Variants in SIPA1L1 observed in about 807,000 individuals in gnomAD.
SIPA1L1 encodes the protein signal induced proliferation associated 1 like 1, also known as signal-induced proliferation-associated 1-like protein 1.
A neutral mutation model predicts 162.7 loss-of-function variants in SIPA1L1; 26 were observed. The observed-to-expected ratio is 0.16, with a 90% CI of 0.12 to 0.22. SIPA1L1 has a LOEUF of 0.22. SIPA1L1 is among the 10% of genes least tolerant of loss of function. The pLI is 1.00. For missense variants in SIPA1L1, 1,874 were observed against 2,241.0 expected (o/e 0.84, Z 3.31); for synonymous variants, 829 against 837.4 (o/e 0.99, Z 0.17).
chr14:71,630,909 C>T (rs2040501980), intron 7 of SIPA1L1, among the ~76,000 whole-genome samples: 1 of 151,356 alleles, frequency 6.6e-6, no homozygotes, highest in Admixed American at 6.6e-5. Flanking sequence ...TTCTAGGGTA[C>T]ATGTGCACAA....
chr14:71,594,271 A>G (rs2035770286), intron 5 of SIPA1L1, among the ~76,000 whole-genome samples: 1 of 152,204 alleles, frequency 6.6e-6, no homozygotes, highest in African/African-American at 2.4e-5. Context: ...CAATTTTGCT[A>G]TCAAGAGCTG....
chr14:71,625,267 T>A (rs929245533), intron 7 of SIPA1L1, among the ~76,000 whole-genome samples: 1 of 151,876 alleles, frequency 6.6e-6, no homozygotes, highest in Non-Finnish European at 1.5e-5. Context: ...GAATATATAA[T>A]GAAGCAATAG....
At chr14:71,738,583 G>A (rs2085529971) in intron 23 of SIPA1L1, among the ~76,000 whole-genome samples, 1 of 152,108 alleles carries the variant, frequency 6.6e-6, no homozygotes, top group Non-Finnish European at 1.5e-5. Context: ...TCCTCTCCCG[G>A]CCTCCCCACT....
intron 6 of SIPA1L1, among the ~76,000 whole-genome samples, chr14:71,623,513 G>T (rs963893722): frequency 7.2e-5 from 11 of 152,118 alleles, no homozygotes; most frequent in African/African-American, 2.7e-4. Flanking sequence ...GCTATTGCCT[G>T]TGCTGCTGTA....
rs1308377028 is a variant in SIPA1L1, at chr14:71,570,516, T to C, written c.-302-17055T>C. Among the ~76,000 whole-genome samples, 4 of 152,216 alleles carry C rather than the reference T, an allele frequency of 2.6e-5. No homozygotes were observed. The South Asian group carries it at 8.3e-4, about 32-fold the overall frequency. ...CTGAGCTCAAGAGATTCAGCCACCT[T>C]GGCCTCTCAAAGAGCTGGGATTACA... On this transcript the variant is annotated intron_variant, in intron 4 of 23. Coordinates refer to ENST00000381232, the MANE Select transcript of SIPA1L1 (RefSeq NM_001386936.1).
chr14:71,618,832 A>G lies in SIPA1L1; in HGVS notation c.1574A>G (p.Glu525Gly). The G allele has an allele frequency of 6.2e-7, 1 of 1,614,044 alleles. No homozygotes were observed. The highest frequency in any genetic ancestry group is 8.5e-7 in the Non-Finnish European group (1 of 1,179,926). Residue 525 changes from glutamate to glycine, a missense_variant, in exon 6 of 24, where the codon GAA becomes GGA. By Grantham distance (98) the Glu-to-Gly change is moderately conservative. Around this residue, in one of 5 missense-constraint regions of SIPA1L1, gnomAD observed 685 missense variants for 828.0 expected, o/e 0.83. Transcript: ENST00000381232. ...AVSIRREKPD[E>G]MKENGSPYNY... ...AGCATTCGAAGGGAAAAACCAGATG[A>G]AATGAAAGAAAATGGATCTCCGTAC...
intron 19 of SIPA1L1, among the ~76,000 whole-genome samples, chr14:71,729,284 C>A (rs2084534022): frequency 6.6e-6 from 1 of 152,194 alleles, no homozygotes; most frequent in Non-Finnish European, 1.5e-5. Context: ...GATCTGCCCA[C>A]CTCGGCCTCC....
At chr14:71,544,265 A>ATCATG (rs2054934226) in intron 4 of SIPA1L1, among the ~76,000 whole-genome samples, 1 of 106,700 alleles carries the variant, frequency 9.4e-6, no homozygotes, top group Non-Finnish European at 2.5e-5. Context: ...TACACATGAT[A>ATCATG]TGTGTATATA....
intron 22 of SIPA1L1, 138 bp downstream of exon 22, chr14:71,735,529 TAGTC>T (rs1412573461): frequency 1.1e-5 from 6 of 565,564 alleles, no homozygotes; most frequent in African/African-American, 9.4e-5. Flanking sequence ...CTTTACATTT[TAGTC>T]AGAACGCTTT....
Position 71,588,320 on chromosome 14 carries a change from G to A in SIPA1L1, c.448G>A (p.Asp150Asn), listed in dbSNP as rs556830267. Residue 150 changes from aspartate to asparagine, a missense_variant, in exon 5 of 24, where the codon GAC becomes AAC. Asp to Asn is a conservative substitution (Grantham distance 23). Around this residue, in one of 5 missense-constraint regions of SIPA1L1, gnomAD observed 685 missense variants for 828.0 expected, o/e 0.83. Coordinates refer to ENST00000381232, the MANE Select transcript of SIPA1L1 (RefSeq NM_001386936.1). The surrounding 1 kb of genome is among the most constrained non-coding windows in gnomAD (Gnocchi z 4.3). ...CAAGACAAGACCGTCGGAGAACATG[G>A]ACTCCAGATTTCTCATGCCTGAAGC... is the stretch of plus-strand genomic sequence containing the variant. ...KNKTRPSENM[D>N]SRFLMPEAYP... 3.5e-5 allele frequency: 57 copies of A among 1,613,724 alleles called. 1 individual carries two copies. The Admixed American group carries it at 9.5e-4, about 27-fold the overall frequency.
chr14:71,590,717 T>C (rs2035276180), intron 5 of SIPA1L1, among the ~76,000 whole-genome samples: 1 of 152,164 alleles, frequency 6.6e-6, no homozygotes, highest in Non-Finnish European at 1.5e-5. Context: ...TTTTCTGAAG[T>C]TTATATTTTA....
rs535246310 is a variant in SIPA1L1, at chr14:71,694,563, A to C, written c.3375-4418A>C. ...GAGGATGTTTAGTATCAGTTATTTT[A>C]AAAATGTTTAGTTATTTCTTGACTA... On this transcript the variant is annotated intron_variant, in intron 13 of 23. Transcript: ENST00000381232. Among the ~76,000 whole-genome samples the C allele has an allele frequency of 2.7e-4, 41 of 152,294 alleles. No individual in the cohort carries two copies. In the South Asian group the frequency reaches 4.4e-3, roughly 16 times the overall value.
chr14:71,344,412 A>G (rs1015793080), intron 2 of SIPA1L1, among the ~76,000 whole-genome samples: 4 of 152,364 alleles, frequency 2.6e-5, no homozygotes, highest in South Asian at 2.1e-4. Flanking sequence ...TTTAGGATCA[A>G]TGAGTGAGAG....
At chr14:71,619,832 A>G (rs1013582087) in intron 6 of SIPA1L1, among the ~76,000 whole-genome samples, 1 of 152,156 alleles carries the variant, frequency 6.6e-6, no homozygotes, top group African/African-American at 2.4e-5. Flanking sequence ...AACTCCGGGG[A>G]AATTAAATAT....
chr14:71,608,491 G>A (rs368864613), intron 5 of SIPA1L1, among the ~76,000 whole-genome samples: 4 of 151,960 alleles, frequency 2.6e-5, no homozygotes, highest in African/African-American at 9.7e-5. Flanking sequence ...GCTAATGTTT[G>A]AATTGGTATT....
intron 2 of SIPA1L1, among the ~76,000 whole-genome samples, chr14:71,440,335 T>G (rs2044736443): frequency 6.6e-6 from 1 of 151,992 alleles, no homozygotes; most frequent in Non-Finnish European, 1.5e-5. Flanking sequence ...CTTCTAAACT[T>G]GTAGCATAAG....
chr14:71,387,415 G>T (rs1444064819), intron 2 of SIPA1L1, among the ~76,000 whole-genome samples: 1 of 152,142 alleles, frequency 6.6e-6, no homozygotes, highest in Non-Finnish European at 1.5e-5. Flanking sequence ...GTTCAAGGCT[G>T]CAGTGAGCTA....
intron 2 of SIPA1L1, among the ~76,000 whole-genome samples, chr14:71,375,942 A>G (rs1413949956): frequency 6.6e-6 from 1 of 152,090 alleles, no homozygotes; most frequent in Non-Finnish European, 1.5e-5. Flanking sequence ...ATACCTTTTT[A>G]TATAGTATTG....
At chr14:71,462,538 T>C (rs1216168917) in intron 2 of SIPA1L1, among the ~76,000 whole-genome samples, 2 of 152,178 alleles carry the variant, frequency 1.3e-5, no homozygotes, top group Admixed American at 1.3e-4. Context: ...TCTTTCTTGG[T>C]TGTAGGAGGA....
Sources: gnomAD v4.1 joint callset for allele counts (sites outside exome capture counted in the v4.1 genomes callset) on GRCh38, gnomAD v4.1.1 for gene constraint, gnomAD v4.1.1 regional missense constraint, Gnocchi (gnomAD v3.1) non-coding constraint, MANE v1.5 for transcripts, NCBI Gene and HGNC (gene_info 2026-07-23, HGNC 2026-07-21) for gene names.